The following CASK variants were observed in gnomAD, a reference collection of about 807,000 sequenced individuals.
CASK encodes peripheral plasma membrane protein CASK.
Under a neutral mutation model 82.9 loss-of-function variants are expected in CASK, and 4 were observed. That is an observed-to-expected ratio of 0.05 (90% CI 0.02 to 0.11). The LOEUF (loss-of-function observed/expected upper bound fraction) is 0.11, where lower values mean the gene tolerates loss of function less well. Among genes scored for constraint, CASK ranks in the 10% least tolerant of loss-of-function variants. The pLI is 1.00. For missense variants in CASK, 358 were observed against 720.9 expected (o/e 0.50, Z 5.76); for synonymous variants, 259 against 253.5 (o/e 1.02, Z -0.20).
At chrX:41,861,903 AGT>A (rs1491480977) in intron 1 of CASK, among the ~76,000 whole-genome samples, 8 of 102,836 alleles carry the variant, frequency 7.8e-5, no homozygotes, top group Non-Finnish European at 1.4e-4. Context: ...TATAATATAT[AGT>A]ATATATACAT....
At chrX:41,726,275 G>A (rs1296108722) in intron 5 of CASK, among the ~76,000 whole-genome samples, 1 of 112,397 alleles carries the variant, frequency 8.9e-6, no homozygotes, top group Non-Finnish European at 1.9e-5. Flanking sequence ...ACATACATGT[G>A]TAAACTTTTA....
chrX:41,649,557 G>A (rs1242817754), intron 8 of CASK, among the ~76,000 whole-genome samples: 1 of 107,815 alleles, frequency 9.3e-6, no homozygotes, highest in African/African-American at 3.3e-5. Flanking sequence ...CCATGTAGTT[G>A]AGCAGTTTTG....
At chrX:41,795,657 T>A (rs910742660) in intron 2 of CASK, among the ~76,000 whole-genome samples, 2 of 109,998 alleles carry the variant, frequency 1.8e-5, no homozygotes, top group Non-Finnish European at 3.8e-5. Flanking sequence ...CAGAGTGAGA[T>A]CCTGTCTAAA....
intron 11 of CASK, among the ~76,000 whole-genome samples, chrX:41,622,371 G>A (rs979833107): frequency 8.9e-6 from 1 of 112,296 alleles, no homozygotes; most frequent in African/African-American, 3.2e-5. Flanking sequence ...ATTAAATGCC[G>A]TTGAAATTTT....
intron 1 of CASK, among the ~76,000 whole-genome samples, chrX:41,888,952 C>T (rs999087648): frequency 7.3e-5 from 8 of 109,349 alleles, no homozygotes; most frequent in South Asian, 7.7e-4. Context: ...CTGCTATAAA[C>T]GTGTGTGCAA....
At chrX:41,797,492 C>G (rs1167312810) in intron 2 of CASK, among the ~76,000 whole-genome samples, 3 of 111,319 alleles carry the variant, frequency 2.7e-5, no homozygotes, top group Admixed American at 9.6e-5. Context: ...ATTTCCATTC[C>G]TGCCAATCCT....
intron 2 of CASK, among the ~76,000 whole-genome samples, chrX:41,825,343 T>C (rs956607498): frequency 1.1e-5 from 1 of 89,585 alleles, no homozygotes; most frequent in African/African-American, 3.8e-5. Context: ...ATTACTGGGC[T>C]TTTAGATTAG....
intron 9 of CASK, among the ~76,000 whole-genome samples, chrX:41,629,120 C>T (rs1357717350): frequency 9.0e-6 from 1 of 111,510 alleles, no homozygotes; most frequent in African/African-American, 3.3e-5. Context: ...TGTCTTATGA[C>T]TAGCAGTTTT....
intron 2 of CASK, among the ~76,000 whole-genome samples, chrX:41,802,991 G>C (rs1413413746): frequency 1.8e-5 from 2 of 110,997 alleles, no homozygotes; most frequent in East Asian, 5.6e-4. Context: ...AAAGTTACTA[G>C]AGGGCATACT....
intron 3 of CASK, among the ~76,000 whole-genome samples, chrX:41,777,819 G>A (rs1476930682): frequency 1.8e-5 from 2 of 111,928 alleles, no homozygotes; most frequent in Non-Finnish European, 3.8e-5. Flanking sequence ...TATGATGTAT[G>A]TATTTGTATG....
chrX:41,903,793 T>C (rs927219424), intron 1 of CASK, among the ~76,000 whole-genome samples: 1 of 111,997 alleles, frequency 8.9e-6, no homozygotes, highest in Non-Finnish European at 1.9e-5. Context: ...CTGTCTACCA[T>C]GCAGTCACTA....
chrX:41,886,036 G>A (rs997977335), intron 1 of CASK, among the ~76,000 whole-genome samples: 2 of 111,699 alleles, frequency 1.8e-5, no homozygotes, highest in African/African-American at 6.5e-5. Flanking sequence ...AAAATAACTA[G>A]GCAAGTTTAA....
In CASK at chrX:41,923,410, G is replaced by T. The variant is rs1185562623; in HGVS notation, c.-422C>A. 1.8e-5 allele frequency: 2 copies of T among 111,085 alleles called. No homozygotes were observed. Among genetic ancestry groups the T allele is most frequent in the South Asian group, 3.5e-4 (1 of 2,821 alleles). The allele number at this position is 111,085 out of a possible 1,213,427, so 9.2% of individuals were successfully genotyped here. Reference sequence around the variant, plus strand: ...CGCGGAGCAGCTCGGGCTACAGAGGGGGCCGCGGCAGGACCATGGAGCGAG... The same window carrying T: ...CGCGGAGCAGCTCGGGCTACAGAGGTGGCCGCGGCAGGACCATGGAGCGAG... On this transcript the variant is annotated 5_prime_UTR_variant, in exon 1 of 27. Transcript: ENST00000378163.
chrX:41,801,669 TA>T (rs2070000394), intron 2 of CASK, among the ~76,000 whole-genome samples: 2 of 111,484 alleles, frequency 1.8e-5, no homozygotes, highest in Admixed American at 1.9e-4. Context: ...GTGGAGCAGA[TA>T]ACAGGAGGAC....
chrX:41,781,964 T>C (rs1162215719), intron 3 of CASK, among the ~76,000 whole-genome samples: 2 of 111,830 alleles, frequency 1.8e-5, no homozygotes, highest in Admixed American at 9.6e-5. Flanking sequence ...AATAAAACAA[T>C]TCTAAATTCA....
At chrX:41,566,805 G>C (rs2065325260) in intron 16 of CASK, among the ~76,000 whole-genome samples, 1 of 111,509 alleles carries the variant, frequency 9.0e-6, no homozygotes, top group Non-Finnish European at 1.9e-5. Context: ...AAAGAACAAA[G>C]CTGGAGGCAT....
chrX:41,887,856 C>T (rs1391627823), intron 1 of CASK, among the ~76,000 whole-genome samples: 1 of 110,762 alleles, frequency 9.0e-6, no homozygotes, highest in Non-Finnish European at 1.9e-5. Context: ...AAATCCATCA[C>T]TACCACCATG....
At chrX:41,894,738 GT>G (rs756775864) in intron 1 of CASK, among the ~76,000 whole-genome samples, 1 of 110,998 alleles carries the variant, frequency 9.0e-6, no homozygotes, top group East Asian at 2.8e-4. Flanking sequence ...GGAAAAACCT[GT>G]AAATATTAAT....
Position 41,545,027 on chromosome X carries a change from GT to G in CASK, c.2040-2222del, listed in dbSNP as rs57524862. 5.7e-3 allele frequency among the ~76,000 whole-genome samples: 611 copies of G among 106,883 alleles called. 4 individuals are homozygous for G. Among genetic ancestry groups the G allele is most frequent in the African/African-American group, 0.02 (584 of 29,626 alleles). 92.8% of individuals were successfully genotyped at this position (106,883 alleles called of 115,157 possible). On this transcript the variant is annotated intron_variant, in intron 21 of 26. Transcript: ENST00000378163. Reference sequence around the variant, plus strand: ...TGGGTATTAATGTACTAGTACTGCTGTTTTTTTTTTGTTTTTGAGACAGATT... The same window carrying G: ...TGGGTATTAATGTACTAGTACTGCTGTTTTTTTTTGTTTTTGAGACAGATT...
Sources: gnomAD v4.1 joint callset for allele counts (sites outside exome capture counted in the v4.1 genomes callset) on GRCh38, gnomAD v4.1.1 for gene constraint, MANE v1.5 for transcripts, NCBI Gene and HGNC (gene_info 2026-07-23, HGNC 2026-07-21) for gene names.